Variants in AUTS2 observed in about 807,000 individuals in gnomAD.
AUTS2 encodes activator of transcription and developmental regulator AUTS2.
Under a neutral mutation model 112.4 loss-of-function variants are expected in AUTS2, and 17 were observed. The observed-to-expected ratio is 0.15, with a 90% CI of 0.10 to 0.23. The LOEUF (loss-of-function observed/expected upper bound fraction) is 0.23. Among genes scored for constraint, AUTS2 ranks in the 10% least tolerant of loss-of-function variants. The pLI, the probability that AUTS2 is intolerant of heterozygous loss-of-function variation, is 1.00. For synonymous variants in AUTS2, 751 were observed against 702.7 expected, an observed-to-expected ratio of 1.07 and a Z score of -1.09; for missense variants, 1,510 against 1,701.6, an observed-to-expected ratio of 0.89 and a Z score of 1.98.
intron 4 of AUTS2, among the ~76,000 whole-genome samples, chr7:70,151,624 AT>A (rs528148087): frequency 6.6e-6 from 1 of 151,540 alleles, no homozygotes; most frequent in South Asian, 2.1e-4. Flanking sequence ...AATTTTTGTC[AT>A]TTTTTTAGTT....
chr7:70,721,698 A>G (rs892862901), intron 6 of AUTS2, among the ~76,000 whole-genome samples: 1 of 152,184 alleles, frequency 6.6e-6, no homozygotes, highest in Non-Finnish European at 1.5e-5. Flanking sequence ...CCCTGAGTCT[A>G]TTGGACCGTA....
At chr7:70,739,344 CTTT>C (rs1185801587) in intron 6 of AUTS2, among the ~76,000 whole-genome samples, 3 of 135,070 alleles carry the variant, frequency 2.2e-5, no homozygotes, top group African/African-American at 2.8e-5. Flanking sequence ...CCTTTTTTTC[CTTT>C]TTTTTTTTTT....
At chr7:70,415,989 C>T (rs1179024680) in intron 4 of AUTS2, among the ~76,000 whole-genome samples, 2 of 152,122 alleles carry the variant, frequency 1.3e-5, no homozygotes, top group Non-Finnish European at 2.9e-5. Flanking sequence ...GAGAGAAGCC[C>T]TTCTTTGCCA....
chr7:70,432,508 A>T (rs1218257291), intron 4 of AUTS2, among the ~76,000 whole-genome samples: 2 of 152,134 alleles, frequency 1.3e-5, no homozygotes, highest in African/African-American at 4.8e-5. Context: ...TCCCTTTTTC[A>T]TAAAGCAGGC....
intron 4 of AUTS2, among the ~76,000 whole-genome samples, chr7:70,318,024 C>T (rs1342498164): frequency 1.3e-5 from 2 of 152,102 alleles, no homozygotes; most frequent in Admixed American, 6.6e-5. Context: ...CCTGTGGTGT[C>T]GGTTGGATCA....
intron 5 of AUTS2, chr7:70,437,626 G>A (rs758866284): frequency 3.9e-5 from 6 of 152,118 alleles, no homozygotes; most frequent in Non-Finnish European, 8.8e-5. Context: ...GGATCACGAG[G>A]TCAGGAGATT....
At chr7:70,500,085 A>G (rs1562997642) in intron 5 of AUTS2, among the ~76,000 whole-genome samples, 4 of 151,440 alleles carry the variant, frequency 2.6e-5, no homozygotes, top group African/African-American at 9.7e-5. Context: ...GAATCCTGTC[A>G]TTTCCTAATC....
chr7:69,609,785 G>A (rs1792930386), intron 1 of AUTS2, among the ~76,000 whole-genome samples: 1 of 152,194 alleles, frequency 6.6e-6, no homozygotes, highest in African/African-American at 2.4e-5. Context: ...CATCTTGTCT[G>A]TTCATTGCTG....
intron 1 of AUTS2, among the ~76,000 whole-genome samples, chr7:69,801,384 C>T (rs1300481402): frequency 6.6e-6 from 1 of 151,086 alleles, no homozygotes; most frequent in Non-Finnish European, 1.5e-5. Context: ...GCAAACCTTT[C>T]TGCAAATAAA....
chr7:70,288,913 A>T (rs1199246896), intron 4 of AUTS2, among the ~76,000 whole-genome samples: 2 of 152,232 alleles, frequency 1.3e-5, no homozygotes, highest in Non-Finnish European at 2.9e-5. Context: ...GTAATACATC[A>T]TGAATGATTT....
chr7:69,953,876 A>T (rs1797119553), intron 2 of AUTS2, among the ~76,000 whole-genome samples: 1 of 152,038 alleles, frequency 6.6e-6, no homozygotes, highest in South Asian at 2.1e-4. Flanking sequence ...CTGAGTTCCT[A>T]CTTTAGAGTC....
chr7:69,876,561 A>G (rs1793813943), intron 1 of AUTS2, among the ~76,000 whole-genome samples: 1 of 108,212 alleles, frequency 9.2e-6, no homozygotes, highest in African/African-American at 3.7e-5. Flanking sequence ...GTGTTCATAT[A>G]ACAAATTTCT....
chr7:70,704,013 A>G (rs574133323), intron 6 of AUTS2, among the ~76,000 whole-genome samples: 70 of 152,294 alleles, frequency 4.6e-4, no homozygotes, highest in African/African-American at 1.5e-3. Context: ...TGACCTTCCT[A>G]TAGAAGCCGA....
intron 1 of AUTS2, among the ~76,000 whole-genome samples, chr7:69,881,294 C>G (rs1429734730): frequency 1.3e-5 from 2 of 152,028 alleles, no homozygotes; most frequent in African/African-American, 4.8e-5. Context: ...CCCCGTCTTT[C>G]CCTGTTCCAT....
chr7:70,171,297 G>A (rs1047235286), intron 4 of AUTS2, among the ~76,000 whole-genome samples: 1 of 152,200 alleles, frequency 6.6e-6, no homozygotes, highest in Non-Finnish European at 1.5e-5. Flanking sequence ...CAGTGGAAGC[G>A]AATTCTTCCC....
At chr7:70,210,163 C>G (rs530096691) in intron 4 of AUTS2, among the ~76,000 whole-genome samples, 1 of 152,110 alleles carries the variant, frequency 6.6e-6, no homozygotes, top group Non-Finnish European at 1.5e-5. Context: ...CAAGAATAAC[C>G]CTTCTCACTT....
chr7:69,791,522 G>A (rs1789606752), intron 1 of AUTS2, among the ~76,000 whole-genome samples: 1 of 152,158 alleles, frequency 6.6e-6, no homozygotes, highest in East Asian at 1.9e-4. Context: ...TCTGCAAAAT[G>A]GAAGGCTTCT....
At chr7:70,777,236 C>A in intron 14 of AUTS2, 62 bp downstream of exon 14, 2 of 1,449,064 alleles carry the variant, frequency 1.4e-6, no homozygotes, top group South Asian at 1.1e-5. Context: ...GTGACGTGCT[C>A]GGGAGAACCT....
At chr7:69,742,077 T>TA (rs1225197466) in intron 1 of AUTS2, among the ~76,000 whole-genome samples, 1 of 151,380 alleles carries the variant, frequency 6.6e-6, no homozygotes, top group Non-Finnish European at 1.5e-5. Flanking sequence ...GCTGGGATTA[T>TA]AGGCATAAGC....
Sources: allele counts gnomAD v4.1 joint callset (sites outside exome capture counted in the v4.1 genomes callset), GRCh38; gene constraint gnomAD v4.1.1; transcripts MANE v1.5; gene names NCBI Gene and HGNC (gene_info 2026-07-23, HGNC 2026-07-21).